Variants in CIT observed in about 807,000 individuals in gnomAD.
CIT encodes the protein citron rho-interacting serine/threonine kinase.
Under a neutral mutation model 272.7 loss-of-function variants are expected in CIT, and 79 were observed. The ratio of observed to expected loss-of-function variants is 0.29; its 90% CI spans 0.24 to 0.35. The LOEUF is 0.35. CIT is among the 10% of genes least tolerant of loss of function. CIT has a pLI of 1.00. For missense variants in CIT, 1,909 were observed against 2,618.3 expected, an observed-to-expected ratio of 0.73 and a Z score of 5.91; for synonymous variants, 948 against 995.6, an observed-to-expected ratio of 0.95 and a Z score of 0.90.
At chr12:119,813,790 C>T (rs1383197613) in intron 9 of CIT, among the ~76,000 whole-genome samples, 2 of 152,184 alleles carry the variant, frequency 1.3e-5, no homozygotes, top group Non-Finnish European at 2.9e-5. Flanking sequence ...TATGGAAATG[C>T]CAGGGTACAC....
At chr12:119,738,424 C>T (rs766660627) in intron 24 of CIT, among the ~76,000 whole-genome samples, 3 of 152,008 alleles carry the variant, frequency 2.0e-5, no homozygotes, top group African/African-American at 7.3e-5. Flanking sequence ...ACCTTTTAAC[C>T]CCAAAGATAG....
intron 9 of CIT, among the ~76,000 whole-genome samples, chr12:119,811,628 A>G (rs968322493): frequency 6.6e-6 from 1 of 152,184 alleles, no homozygotes; most frequent in Non-Finnish European, 1.5e-5. Context: ...CCATACCCAA[A>G]AGCCATGTTC....
chr12:119,708,162 C>G lies in CIT; in HGVS notation c.5211+17G>C. 2 of 1,535,932 alleles carry G rather than the reference C, an allele frequency of 1.3e-6. No individual in the cohort carries two copies. Among genetic ancestry groups the G allele is most frequent in the Non-Finnish European group, 8.8e-7 (1 of 1,139,522 alleles). ...TTCCAGAACATTCCACCAGCTAGGA[C>G]TCTGAGGGGAGCTTACCTTGCCTGC... On this transcript the variant is annotated intron_variant, in intron 40 of 47. Coordinates refer to ENST00000392521, the MANE Select transcript of CIT (RefSeq NM_001206999.2).
In CIT at chr12:119,712,544, C is replaced by G. The variant is rs747860348; in HGVS notation, c.4684+47G>C. ...ACCCCTTCTGTCCCTGCTGATTGGC[C>G]AAGCCCGGCCCACCTCCAGGGCGGG... is the stretch of plus-strand genomic sequence containing the variant. On this transcript the variant is annotated intron_variant, in intron 36 of 47. Transcript: ENST00000392521. This position sits in a 1 kb window ranked among gnomAD's most constrained non-coding sequence, Gnocchi z 5.2. The G allele has an allele frequency of 6.4e-7, 1 of 1,573,450 alleles. No homozygotes were observed. The highest frequency in any genetic ancestry group is 1.1e-5 in the South Asian group (1 of 89,812).
intron 4 of CIT, among the ~76,000 whole-genome samples, chr12:119,857,258 T>A (rs1287372627): frequency 1.3e-5 from 2 of 152,202 alleles, no homozygotes; most frequent in African/African-American, 2.4e-5. Flanking sequence ...ATTCATTAGC[T>A]AAAAGGCCAC....
intron 2 of CIT, among the ~76,000 whole-genome samples, chr12:119,872,738 G>A (rs1279047882): frequency 1.3e-5 from 2 of 152,252 alleles, no homozygotes; most frequent in African/African-American, 2.4e-5. Flanking sequence ...AAAACCCAAC[G>A]TGTATGATCT....
chr12:119,797,963 G>A (rs920759360), intron 10 of CIT, among the ~76,000 whole-genome samples: 30 of 152,228 alleles, frequency 2.0e-4, no homozygotes, highest in African/African-American at 7.2e-4. Flanking sequence ...AGCAACTTGT[G>A]TATGATCAGC....
intron 41 of CIT, among the ~76,000 whole-genome samples, chr12:119,703,086 A>G (rs1227990985): frequency 6.6e-6 from 1 of 152,212 alleles, no homozygotes; most frequent in Non-Finnish European, 1.5e-5. Flanking sequence ...CATTATCATC[A>G]TCACTGAATA....
chr12:119,791,426 A>T (rs1352885521), intron 10 of CIT, among the ~76,000 whole-genome samples: 1 of 152,118 alleles, frequency 6.6e-6, no homozygotes, highest in African/African-American at 2.4e-5. Flanking sequence ...ACCCCACAAG[A>T]GCAACTCTCC....
intron 9 of CIT, among the ~76,000 whole-genome samples, chr12:119,812,695 C>T (rs1011480011): frequency 4.6e-5 from 7 of 151,760 alleles, no homozygotes; most frequent in Non-Finnish European, 7.4e-5. Flanking sequence ...GTGATCCTCT[C>T]ACCTCAGCCT....
intron 10 of CIT, among the ~76,000 whole-genome samples, chr12:119,797,235 G>A (rs905282949): frequency 6.6e-6 from 1 of 152,188 alleles, no homozygotes; most frequent in Non-Finnish European, 1.5e-5. Flanking sequence ...AGATCTTCTG[G>A]AGCCTAATCT....
At chr12:119,789,493 A>G (rs184518550) in intron 10 of CIT, among the ~76,000 whole-genome samples, 65 of 152,310 alleles carry the variant, frequency 4.3e-4, no homozygotes, top group African/African-American at 1.5e-3. Context: ...ATTTCCATGA[A>G]TTTCTATAAA....
intron 3 of CIT, among the ~76,000 whole-genome samples, chr12:119,867,761 A>G (rs1005719484): frequency 6.6e-6 from 1 of 152,010 alleles, no homozygotes; most frequent in Non-Finnish European, 1.5e-5. Flanking sequence ...GTTGAAAAAC[A>G]CTAATGTAAG....
chr12:119,858,258 T>C (rs944393255), intron 3 of CIT, among the ~76,000 whole-genome samples: 2 of 152,320 alleles, frequency 1.3e-5, no homozygotes, highest in East Asian at 3.9e-4. Context: ...GGCTGACGCC[T>C]GTAATCCCAA....
intron 13 of CIT, 73 bp downstream of exon 13, chr12:119,782,443 TCA>T: frequency 1.3e-6 from 2 of 1,555,266 alleles, no homozygotes; most frequent in Non-Finnish European, 1.8e-6. Flanking sequence ...TATTTCTCTC[TCA>T]AACACGCCTC....
chr12:119,813,173 TG>T (rs907971124), intron 9 of CIT, among the ~76,000 whole-genome samples: 1 of 152,238 alleles, frequency 6.6e-6, no homozygotes, highest in African/African-American at 2.4e-5. Context: ...GTGGGTATTT[TG>T]GTCTCTATCT....
At chr12:119,754,904 T>C (rs965764900) in intron 22 of CIT, among the ~76,000 whole-genome samples, 1 of 152,170 alleles carries the variant, frequency 6.6e-6, no homozygotes, top group Non-Finnish European at 1.5e-5. Flanking sequence ...AAGAGGAACA[T>C]TTGTGCAAAG....
At chr12:119,816,641 G>A (rs867933772) in intron 9 of CIT, among the ~76,000 whole-genome samples, 8 of 152,148 alleles carry the variant, frequency 5.3e-5, no homozygotes, top group South Asian at 4.1e-4. Context: ...CGATGCTGCC[G>A]GTCCACGGAC....
At chr12:119,746,858 A>T (rs1254108677) in intron 23 of CIT, among the ~76,000 whole-genome samples, 1 of 152,220 alleles carries the variant, frequency 6.6e-6, no homozygotes, top group Non-Finnish European at 1.5e-5. Flanking sequence ...TGAACTAGTC[A>T]CAGTAAGAAA....
Sources: gnomAD v4.1 joint callset for allele counts (sites outside exome capture counted in the v4.1 genomes callset) on GRCh38, gnomAD v4.1.1 for gene constraint, Gnocchi (gnomAD v3.1) non-coding constraint, MANE v1.5 for transcripts, NCBI Gene and HGNC (gene_info 2026-07-23, HGNC 2026-07-21) for gene names.